The following GABBR2 variants were observed in gnomAD, a reference collection of about 807,000 sequenced individuals.
GABBR2 encodes G-protein coupled receptor 51.
GABBR2 carries 23 observed loss-of-function variants against 105.6 expected under a neutral mutation model. That is an observed-to-expected ratio of 0.22 (90% confidence interval 0.16 to 0.31). The LOEUF (loss-of-function observed/expected upper bound fraction) is 0.31. Among genes scored for constraint, GABBR2 ranks in the 10% least tolerant of loss-of-function variants. GABBR2 has a pLI of 1.00. For missense variants in GABBR2, 734 were observed against 1,245.5 expected (o/e 0.59, Z 6.18); for synonymous variants, 478 against 499.7 (o/e 0.96, Z 0.58).
chr9:98,545,524 G>T (rs1329023682), intron 2 of GABBR2, among the ~76,000 whole-genome samples: 1 of 152,140 alleles, frequency 6.6e-6, no homozygotes, highest in Non-Finnish European at 1.5e-5. Flanking sequence ...ATTTGGGGGA[G>T]ATTTTAAAGA....
intron 4 of GABBR2, among the ~76,000 whole-genome samples, chr9:98,487,424 G>A (rs1351670994): frequency 1.3e-5 from 2 of 152,148 alleles, no homozygotes; most frequent in African/African-American, 4.8e-5. Flanking sequence ...ATGGAGCAAG[G>A]GAAGGGCAGT....
intron 7 of GABBR2, among the ~76,000 whole-genome samples, chr9:98,423,552 G>T (rs1397164447): frequency 2.0e-5 from 3 of 151,972 alleles, no homozygotes; most frequent in African/African-American, 4.8e-5. Flanking sequence ...CCATTCTGTA[G>T]GTTGCCTGTT....
chr9:98,468,781 C>T (rs1388785593), intron 6 of GABBR2, among the ~76,000 whole-genome samples: 1 of 152,186 alleles, frequency 6.6e-6, no homozygotes, highest in Non-Finnish European at 1.5e-5. Context: ...GCAGGATCCA[C>T]ACCGGATCTC....
intron 1 of GABBR2, among the ~76,000 whole-genome samples, chr9:98,586,388 C>T (rs1483242161): frequency 6.6e-6 from 1 of 151,594 alleles, no homozygotes; most frequent in Non-Finnish European, 1.5e-5. Flanking sequence ...CAACTTCTGC[C>T]TCCCAGGTTC....
chr9:98,576,664 T>C (rs2808529), intron 2 of GABBR2, among the ~76,000 whole-genome samples: 141,814 of 152,284 alleles, frequency 0.93, 66,304 homozygotes, highest in Non-Finnish European at 0.98. Flanking sequence ...AAGCATAGAG[T>C]GGATTTAAAA....
At chr9:98,598,997 G>T (rs986402222) in intron 1 of GABBR2, among the ~76,000 whole-genome samples, 3 of 152,168 alleles carry the variant, frequency 2.0e-5, no homozygotes, top group Non-Finnish European at 4.4e-5. Context: ...CTACCTGAAG[G>T]CAAGAACCAT....
In GABBR2 at chr9:98,549,972, C is replaced by G. The variant is rs554721991; in HGVS notation, c.460-7929G>C. On this transcript the variant is annotated intron_variant, in intron 2 of 18. Coordinates refer to ENST00000259455, the MANE Select transcript of GABBR2 (RefSeq NM_005458.8). ...CCTCCAGAATCTTGGTGTCAAGGAC[C>G]AAGTTCACAAAGAATTAAGCACTAT... 2.0e-5 allele frequency among the ~76,000 whole-genome samples: 3 copies of G among 152,298 alleles called. No homozygotes were observed. In the East Asian group the frequency reaches 5.8e-4, roughly 29 times the overall value.
At chr9:98,609,184 T>C (rs893504394) in intron 1 of GABBR2, among the ~76,000 whole-genome samples, 7 of 152,220 alleles carry the variant, frequency 4.6e-5, no homozygotes, top group Non-Finnish European at 8.8e-5. Context: ...ATCTCTGCAA[T>C]TGACATAGAA....
intron 1 of GABBR2, among the ~76,000 whole-genome samples, chr9:98,579,429 G>T (rs1224382185): frequency 6.6e-6 from 1 of 152,064 alleles, no homozygotes; most frequent in Non-Finnish European, 1.5e-5. Context: ...CAAACCCTGT[G>T]GTCATCTCTC....
intron 7 of GABBR2, among the ~76,000 whole-genome samples, chr9:98,423,373 T>C (rs1386365567): frequency 1.3e-5 from 2 of 152,260 alleles, no homozygotes; most frequent in South Asian, 4.1e-4. Flanking sequence ...ACGATGAGCA[T>C]TTTTTCATGT....
intron 11 of GABBR2, among the ~76,000 whole-genome samples, chr9:98,377,720 T>A (rs912007610): frequency 1.3e-5 from 2 of 152,038 alleles, no homozygotes; most frequent in Non-Finnish European, 2.9e-5. Context: ...GCTTATTGGC[T>A]CAGGAGTCTG....
chr9:98,629,764 T>C (rs1424824713), intron 1 of GABBR2, among the ~76,000 whole-genome samples: 1 of 152,176 alleles, frequency 6.6e-6, no homozygotes, highest in Non-Finnish European at 1.5e-5. Context: ...AAGGATGTGC[T>C]TGGAAAATTT....
rs371307450 is a variant in GABBR2, at chr9:98,367,233, A to C, written c.1770+4231T>G. ...CTATGCAAAGAAGAAAAGGATAAAAAACTGCATTGAAAAAAAGCAAATGAT... is the reference window on the plus strand; with the variant it reads ...CTATGCAAAGAAGAAAAGGATAAAACACTGCATTGAAAAAAAGCAAATGAT... On this transcript the variant is annotated intron_variant, in intron 12 of 18. Coordinates refer to ENST00000259455, the MANE Select transcript of GABBR2 (RefSeq NM_005458.8). Among the ~76,000 whole-genome samples, 6 of 151,116 alleles carry C rather than the reference A, an allele frequency of 4.0e-5. No homozygotes were observed. In the South Asian group the frequency reaches 8.5e-4, roughly 21 times the overall value.
intron 10 of GABBR2, among the ~76,000 whole-genome samples, chr9:98,386,085 A>G (rs1564043682): frequency 6.6e-6 from 1 of 152,166 alleles, no homozygotes; most frequent in Non-Finnish European, 1.5e-5. Context: ...AGACAACTAT[A>G]TATTTCTAAT....
At position 98,473,327 on chromosome 9, in the gene GABBR2, T is replaced by A. The variant is rs1273733485; in HGVS notation, c.818A>T (p.Tyr273Phe). ...VFCCAYEENM[Y>F]GSKYQWIIPG... ...AATGATCCACTGATATTTACTACCA[T>A]ACATGTTCTCCTCGTATGCCTGTAA... Residue 273 changes from tyrosine to phenylalanine, a missense_variant, in exon 6 of 19, where the codon TAT becomes TTT. By Grantham distance (22) the Tyr-to-Phe change is conservative (BLOSUM62 3). Transcript: ENST00000259455. 1 of 1,612,250 alleles carries A rather than the reference T, an allele frequency of 6.2e-7. No individual in the cohort carries two copies. Among genetic ancestry groups the A allele is most frequent in the African/African-American group, 1.3e-5 (1 of 74,776 alleles).
intron 2 of GABBR2, among the ~76,000 whole-genome samples, chr9:98,575,661 T>C (rs1479626160): frequency 1.3e-5 from 2 of 152,124 alleles, no homozygotes; most frequent in East Asian, 3.9e-4. Context: ...AAGTGACTGG[T>C]CCAAGGTCTC....
chr9:98,659,222 C>T (rs1307052529), intron 1 of GABBR2, among the ~76,000 whole-genome samples: 1 of 152,190 alleles, frequency 6.6e-6, no homozygotes, highest in Non-Finnish European at 1.5e-5. Flanking sequence ...TTTCTCTGTA[C>T]TCACTTCATT....
intron 4 of GABBR2, among the ~76,000 whole-genome samples, chr9:98,484,836 T>C (rs1827009126): frequency 6.6e-6 from 1 of 152,210 alleles, no homozygotes; most frequent in Non-Finnish European, 1.5e-5. Context: ...TTTTCAATGT[T>C]GCATAGCTTG....
rs184469063 is a variant in GABBR2, at chr9:98,322,811, C to T, written c.1894-11606G>A. On this transcript the variant is annotated intron_variant, in intron 13 of 18. Coordinates refer to ENST00000259455, the MANE Select transcript of GABBR2 (RefSeq NM_005458.8). ...CTCTGGGCTCCTCCCACATCCACTG[C>T]CCAAAACATCTTCCTTCCTGTCTTT... is the stretch of plus-strand genomic sequence containing the variant. 2.6e-5 allele frequency among the ~76,000 whole-genome samples: 4 copies of T among 152,244 alleles called. No individual in the cohort carries two copies. The East Asian group carries it at 7.7e-4, about 29-fold the overall frequency.
Sources: gnomAD v4.1 joint callset for allele counts (sites outside exome capture counted in the v4.1 genomes callset) on GRCh38, gnomAD v4.1.1 for gene constraint, MANE v1.5 for transcripts, NCBI Gene and HGNC (gene_info 2026-07-23, HGNC 2026-07-21) for gene names.